CTNNA2: variants seen among roughly 807,000 people sequenced by gnomAD.
CTNNA2 encodes the protein catenin alpha 2, also known as catenin alpha-2.
In CTNNA2, 42 loss-of-function variants were observed where a neutral mutation model predicts 101.0. That is an observed-to-expected ratio of 0.42 (90% CI 0.32 to 0.54). The LOEUF (loss-of-function observed/expected upper bound fraction) is 0.54. Among genes scored for constraint, CTNNA2 ranks in the 20% least tolerant of loss-of-function variants. The pLI, the probability that CTNNA2 is intolerant of heterozygous loss-of-function variation, is 0.14. For synonymous variants in CTNNA2, 450 were observed against 456.4 expected, an observed-to-expected ratio of 0.99 and a Z score of 0.18; for missense variants, 871 against 1,223.1, an observed-to-expected ratio of 0.71 and a Z score of 4.29.
chr2:80,180,909 G>C (rs952032918), intron 7 of CTNNA2, among the ~76,000 whole-genome samples: 4 of 152,082 alleles, frequency 2.6e-5, no homozygotes, highest in African/African-American at 9.7e-5. Flanking sequence ...AACTCTCCAA[G>C]CTGCAACATT....
At chr2:79,456,791 A>G (rs531939286) in intron 4 of CTNNA2, among the ~76,000 whole-genome samples, 1 of 152,360 alleles carries the variant, frequency 6.6e-6, no homozygotes, top group Non-Finnish European at 1.5e-5. Flanking sequence ...TGCTCAGAAC[A>G]GAGCAATTTC....
At chr2:79,452,832 A>G (rs1427036110) in intron 4 of CTNNA2, among the ~76,000 whole-genome samples, 1 of 152,094 alleles carries the variant, frequency 6.6e-6, no homozygotes, top group East Asian at 1.9e-4. Context: ...TCACTCATTG[A>G]GTTCCATTAT....
intron 4 of CTNNA2, among the ~76,000 whole-genome samples, chr2:79,479,009 A>G (rs571887073): frequency 1.3e-5 from 2 of 152,292 alleles, no homozygotes; most frequent in South Asian, 4.1e-4. Flanking sequence ...ACTGAAGGGG[A>G]TGAATATCAA....
intron 9 of CTNNA2, among the ~76,000 whole-genome samples, chr2:80,540,639 G>C (rs1691474487): frequency 6.6e-6 from 1 of 151,786 alleles, no homozygotes; most frequent in Non-Finnish European, 1.5e-5. Flanking sequence ...ACTGTGTATA[G>C]TTATCTTGGA....
Position 80,568,292 on chromosome 2 carries a change from A to ATGTGATGC in CTNNA2, c.1742-5869_1742-5862dup, listed in dbSNP as rs148328850. 9.2e-5 allele frequency among the ~76,000 whole-genome samples: 14 copies of ATGTGATGC among 152,320 alleles called. No homozygotes were observed. In the East Asian group the frequency reaches 2.7e-3, roughly 29 times the overall value. On this transcript the variant is annotated intron_variant, in intron 12 of 18. Coordinates refer to ENST00000402739, the MANE Select transcript of CTNNA2 (RefSeq NM_001282597.3). ...GAAAAAGAGAGACTTGTTATGTGAA[A>ATGTGATGC]TGTGATGCTACTCACTTTGTCCGTG...
chr2:79,565,480 G>C (rs975323560), intron 1 of CTNNA2, among the ~76,000 whole-genome samples: 1 of 152,244 alleles, frequency 6.6e-6, no homozygotes. Flanking sequence ...CTCAGTGAGA[G>C]CATGTCTGGG....
intron 4 of CTNNA2, among the ~76,000 whole-genome samples, chr2:79,437,939 A>G (rs1397966561): frequency 6.6e-6 from 1 of 152,098 alleles, no homozygotes; most frequent in Non-Finnish European, 1.5e-5. Context: ...CCACTCTCCA[A>G]CTAGAGAGGC....
At chr2:79,957,711 A>G (rs962454671) in intron 7 of CTNNA2, among the ~76,000 whole-genome samples, 1 of 152,200 alleles carries the variant, frequency 6.6e-6, no homozygotes, top group Non-Finnish European at 1.5e-5. Context: ...CATTCCTGTC[A>G]GGACCCTGTC....
At chr2:80,413,163 C>A (rs1679739396) in intron 8 of CTNNA2, among the ~76,000 whole-genome samples, 1 of 152,124 alleles carries the variant, frequency 6.6e-6, no homozygotes, top group Admixed American at 6.5e-5. Flanking sequence ...GTTGATCTGG[C>A]TGTTGATCTG....
Position 80,225,922 on chromosome 2 carries a change from A to G in CTNNA2, c.1057-167289A>G, listed in dbSNP as rs541750822. 6.0e-4 allele frequency among the ~76,000 whole-genome samples: 91 copies of G among 152,336 alleles called. 1 individual carries two copies. The highest frequency in any genetic ancestry group is 1.6e-3 in the Admixed American group (24 of 15,306). ...TTAAGTGATAGCTATAACAACCAAAAATACTGATTAGATACTAGGAGCCAT... is the reference window on the plus strand; with the variant it reads ...TTAAGTGATAGCTATAACAACCAAAGATACTGATTAGATACTAGGAGCCAT... On this transcript the variant is annotated intron_variant, in intron 7 of 18. Coordinates refer to ENST00000402739, the MANE Select transcript of CTNNA2 (RefSeq NM_001282597.3).
chr2:80,067,440 A>G (rs569173654), intron 7 of CTNNA2, among the ~76,000 whole-genome samples: 1 of 152,260 alleles, frequency 6.6e-6, no homozygotes, highest in Non-Finnish European at 1.5e-5. Context: ...AACTGAAAAT[A>G]ATAACACCAA....
At chr2:79,512,572 G>T (rs77337595), upstream of CTNNA2, among the ~76,000 whole-genome samples, 48,697 of 106,690 alleles carry the variant, frequency 0.46, 8,312 homozygotes, top group East Asian at 0.5. Context: ...TATCCCCCCC[G>T]CCCCTATCCT....
intron 4 of CTNNA2, among the ~76,000 whole-genome samples, chr2:79,397,691 T>A (rs981743415): frequency 2.6e-5 from 4 of 152,106 alleles, no homozygotes; most frequent in Admixed American, 2.6e-4. Flanking sequence ...AGAGACAAGG[T>A]CTCACTTTGT....
upstream of CTNNA2, among the ~76,000 whole-genome samples, chr2:79,510,382 A>G (rs1348437925): frequency 7.9e-5 from 12 of 152,210 alleles, no homozygotes; most frequent in African/African-American, 2.7e-4. Flanking sequence ...CTTAGTTTAC[A>G]ATGGGGACAA....
intron 2 of CTNNA2, among the ~76,000 whole-genome samples, chr2:79,249,117 A>C (rs982295993): frequency 2.0e-5 from 3 of 152,216 alleles, no homozygotes; most frequent in African/African-American, 7.2e-5. Flanking sequence ...TCCAGGATTC[A>C]GCTTCTATAT....
intron 4 of CTNNA2, among the ~76,000 whole-genome samples, chr2:79,444,116 A>G (rs774178873): frequency 2.4e-4 from 36 of 152,180 alleles, no homozygotes; most frequent in Non-Finnish European, 4.0e-4. Flanking sequence ...AGATGAGACG[A>G]TAACCCTAGC....
intron 9 of CTNNA2, among the ~76,000 whole-genome samples, chr2:80,525,331 T>C (rs1309635843): frequency 2.0e-5 from 3 of 152,062 alleles, no homozygotes; most frequent in Non-Finnish European, 2.9e-5. Context: ...TGGAGTCTCA[T>C]AGGGCAGGTC....
chr2:80,399,358 T>C (rs1391612745), intron 8 of CTNNA2, among the ~76,000 whole-genome samples: 1 of 152,228 alleles, frequency 6.6e-6, no homozygotes, highest in African/African-American at 2.4e-5. Flanking sequence ...CTAGCTGTTC[T>C]CTTGTCAAGG....
chr2:80,284,119 G>C (rs1198747107), intron 7 of CTNNA2, among the ~76,000 whole-genome samples: 1 of 152,078 alleles, frequency 6.6e-6, no homozygotes, highest in Non-Finnish European at 1.5e-5. Flanking sequence ...GACTACACAA[G>C]TTCTCACTGG....
Sources: allele counts gnomAD v4.1 joint callset (sites outside exome capture counted in the v4.1 genomes callset), GRCh38; gene constraint gnomAD v4.1.1; transcripts MANE v1.5; gene names NCBI Gene and HGNC (gene_info 2026-07-23, HGNC 2026-07-21).